USH1C: variants seen among roughly 807,000 people sequenced by gnomAD.
USH1C encodes the protein harmonin.
A neutral mutation model predicts 119.3 loss-of-function variants in USH1C; 90 were observed. The observed-to-expected ratio is 0.75, with a 90% confidence interval of 0.64 to 0.90. USH1C has a LOEUF of 0.90. Among genes scored for constraint, USH1C ranks in the 40% least tolerant of loss-of-function variants. The pLI, the probability that USH1C is intolerant of heterozygous loss-of-function variation, is 0.00. For synonymous variants in USH1C, 465 were observed against 443.3 expected (o/e 1.05, Z -0.62); for missense variants, 1,165 against 1,167.7 (o/e 1.00, Z 0.03).
intron 4 of USH1C, among the ~76,000 whole-genome samples, chr11:17,530,925 G>A (rs1476196746): frequency 6.6e-6 from 1 of 152,222 alleles, no homozygotes; most frequent in Non-Finnish European, 1.5e-5. Flanking sequence ...GCAGCAGTTG[G>A]AAGCAGGCAG....
chr11:17,531,563 C>T lies in USH1C; in HGVS notation c.105-21G>A, dbSNP rs776133760. 7.4e-6 allele frequency: 12 copies of T among 1,611,096 alleles called. No individual in the cohort carries two copies. The highest frequency in any genetic ancestry group is 1.0e-5 in the Non-Finnish European group (12 of 1,179,928). On this transcript the variant is annotated intron_variant, in intron 2 of 26. Transcript: ENST00000005226. The surrounding 1 kb of genome is among the most constrained non-coding windows in gnomAD (Gnocchi z 4.2). ...TGGTCCTGTGGAGATGCCGGGAATGCCTGGAGCCTCACCCCTGGCCATGAC... is the reference window on the plus strand; with the variant it reads ...TGGTCCTGTGGAGATGCCGGGAATGTCTGGAGCCTCACCCCTGGCCATGAC...
rs767863235 is a variant in USH1C, at chr11:17,509,576, C to T, written c.1793G>A (p.Arg598His). 1.4e-5 allele frequency: 22 copies of T among 1,596,638 alleles called. No individual in the cohort carries two copies. The highest frequency in any genetic ancestry group is 1.1e-4 in the African/African-American group (8 of 73,112). Reference protein sequence around the residue: ...VSASSSPWVQRTPPPIPIPPP... With the variant: ...VSASSSPWVQHTPPPIPIPPP... ...AGGGATGGGAATGGGGGGTGGAGTG[C>T]GCTGCACCCATGGAGAGGATGAGGC... The change falls in exon 18 of 27, where the codon CGC becomes CAC. Residue 598 changes from arginine (R) to histidine (H), a missense_variant. Transcript: ENST00000005226.
At chr11:17,496,058 G>C (rs772382834) in intron 25 of USH1C, among the ~76,000 whole-genome samples, 4 of 152,080 alleles carry the variant, frequency 2.6e-5, no homozygotes, top group Non-Finnish European at 5.9e-5. Context: ...CAGAGGAACA[G>C]GGACTCAGAG....
chr11:17,538,535 G>A (rs936584505), intron 1 of USH1C, among the ~76,000 whole-genome samples: 8 of 152,218 alleles, frequency 5.3e-5, no homozygotes, highest in African/African-American at 1.9e-4. Context: ...TGTTCTGCTT[G>A]ATGAAGTCTC....
At chr11:17,514,176 A>T (rs528516918) in intron 15 of USH1C, among the ~76,000 whole-genome samples, 9 of 152,286 alleles carry the variant, frequency 5.9e-5, no homozygotes, top group African/African-American at 2.2e-4. Context: ...CCCCAGAGGG[A>T]TTTACTGCCA....
chr11:17,507,071 TC>T (rs1849679269), intron 18 of USH1C, among the ~76,000 whole-genome samples: 1 of 152,216 alleles, frequency 6.6e-6, no homozygotes, highest in Non-Finnish European at 1.5e-5. Context: ...GGCACAAGTG[TC>T]AAGCCAACAC....
rs896937270 is a variant in USH1C, at chr11:17,544,380, A to G, written c.-73T>C. On this transcript the variant is annotated 5_prime_UTR_variant, in exon 1 of 27. Transcript: ENST00000005226. ...TGCCCGGCTGCCAGGAGCTGGAAAG[A>G]GCCGCGACCGCGACCGGGCCAGCCG... 24 of 1,607,956 alleles carry G rather than the reference A, an allele frequency of 1.5e-5. No individual in the cohort carries two copies. Among genetic ancestry groups the G allele is most frequent in the South Asian group, 2.2e-5 (2 of 90,724 alleles).
At chr11:17,522,251 G>C (rs1171040645) in intron 12 of USH1C, among the ~76,000 whole-genome samples, 1 of 152,216 alleles carries the variant, frequency 6.6e-6, no homozygotes, top group Non-Finnish European at 1.5e-5. Context: ...TCCTGGACAA[G>C]GGTGAGCTTC....
At chr11:17,494,420 G>A (rs1242939241) in intron 26 of USH1C, 44 bp from the exon 27 acceptor site, 1 of 1,570,040 alleles carries the variant, frequency 6.4e-7, no homozygotes, top group Non-Finnish European at 8.7e-7. Context: ...AGGCTTTGTG[G>A]GTGCACACTC....
In USH1C at chr11:17,544,411, G is replaced by T. The variant is rs1316282404; in HGVS notation, c.-104C>A. Reference sequence around the variant, plus strand: ...GACCGCGACCGGGCCAGCCGCCCTCGGAGCTGGGGGCGGGGCCTGAGCGCG... The same window carrying T: ...GACCGCGACCGGGCCAGCCGCCCTCTGAGCTGGGGGCGGGGCCTGAGCGCG... On this transcript the variant is annotated 5_prime_UTR_variant, in exon 1 of 27. Transcript: ENST00000005226. 26 of 1,532,834 alleles carry T rather than the reference G, an allele frequency of 1.7e-5. No individual in the cohort carries two copies. Among genetic ancestry groups the T allele is most frequent in the African/African-American group, 4.1e-5 (3 of 72,992 alleles). The allele number at this position is 1,532,834 out of a possible 1,614,324, so 95.0% of individuals were successfully genotyped here. A position where few individuals can be genotyped will look rare whatever the true frequency, so the allele number is the denominator to read the frequency against.
rs116336355 is a variant in USH1C, at chr11:17,526,589, G to A, written c.580-148C>T. ...CTGGGGATGTGTCTGCACCAGCTGG[G>A]CCTGGCCGAGGGCTGCTGCCCCACA... On this transcript the variant is annotated intron_variant, in intron 7 of 26. Transcript: ENST00000005226. The A allele has an allele frequency of 5.8e-3, 6,541 of 1,134,032 alleles. 249 individuals are homozygous for A. The African/African-American group carries it at 0.084, about 15-fold the overall frequency. The allele number at this position is 1,134,032 out of a possible 1,614,324, so 70.2% of individuals were successfully genotyped here.
chr11:17,529,298 A>C (rs1850852713), intron 4 of USH1C, among the ~76,000 whole-genome samples: 1 of 149,344 alleles, frequency 6.7e-6, no homozygotes, highest in Non-Finnish European at 1.5e-5. Flanking sequence ...ATTCTTGGGG[A>C]AAAAAAAACA....
intron 1 of USH1C, among the ~76,000 whole-genome samples, chr11:17,534,427 T>C (rs934684642): frequency 6.6e-6 from 1 of 152,218 alleles, no homozygotes; most frequent in Non-Finnish European, 1.5e-5. Context: ...GATCTGACAG[T>C]ACCTCCTTCC....
intron 10 of USH1C, 47 bp downstream of exon 10, chr11:17,523,372 G>C: frequency 6.2e-7 from 1 of 1,613,512 alleles, no homozygotes; most frequent in South Asian, 1.1e-5. Context: ...TGAGAAGTGG[G>C]GTGTGGAGAT....
chr11:17,503,824 G>A (rs1391358664), intron 20 of USH1C, among the ~76,000 whole-genome samples: 1 of 152,220 alleles, frequency 6.6e-6, no homozygotes, highest in African/African-American at 2.4e-5. Context: ...TACCACCCAG[G>A]GTTGCTGGAA....
intron 7 of USH1C, 128 bp from the exon 8 acceptor site, chr11:17,526,569 G>T: frequency 9.0e-7 from 1 of 1,116,336 alleles, no homozygotes; most frequent in Non-Finnish European, 1.3e-6. Context: ...CGTCCCTGGG[G>T]ATGTGTCTGC....
At position 17,512,069 on chromosome 11, in the gene USH1C, C is replaced by A. The variant is rs763751535; in HGVS notation, c.1261-15G>T. ...TCTTTTCCTTTCTGAGTAGATGTGG[C>A]ATTGTTTATATGACAAAGGTTAGAA... On this transcript the variant is annotated splice_polypyrimidine_tract_variant and intron_variant, in intron 15 of 26. Coordinates refer to ENST00000005226, the MANE Select transcript of USH1C (RefSeq NM_153676.4). 3.1e-6 allele frequency: 5 copies of A among 1,613,924 alleles called. No homozygotes were observed. Among genetic ancestry groups the A allele is most frequent in the Non-Finnish European group, 4.2e-6 (5 of 1,179,908 alleles).
intron 15 of USH1C, 60 bp from the exon 16 acceptor site, chr11:17,512,114 A>C: frequency 6.3e-7 from 1 of 1,579,544 alleles, no homozygotes; most frequent in Non-Finnish European, 8.7e-7. Flanking sequence ...ACAGCACAGC[A>C]CACGGGGCAT....
chr11:17,495,799 G>C (rs1003536029), intron 25 of USH1C, 122 bp from the exon 26 acceptor site: 1 of 1,060,792 alleles, frequency 9.4e-7, no homozygotes, highest in Admixed American at 2.0e-5. Flanking sequence ...CTGGGTTCCA[G>C]AATTAGGAGC....
Sources: gnomAD v4.1 joint callset for allele counts (sites outside exome capture counted in the v4.1 genomes callset) on GRCh38, gnomAD v4.1.1 for gene constraint, Gnocchi (gnomAD v3.1) non-coding constraint, MANE v1.5 for transcripts, NCBI Gene and HGNC (gene_info 2026-07-23, HGNC 2026-07-21) for gene names.